Variants in MCF2L2 observed in about 807,000 individuals in gnomAD.
The protein encoded by MCF2L2 is probable guanine nucleotide exchange factor MCF2L2.
Under a neutral mutation model 150.2 loss-of-function variants are expected in MCF2L2, and 102 were observed. The observed-to-expected ratio is 0.68, with a 90% CI of 0.58 to 0.80. The LOEUF (loss-of-function observed/expected upper bound fraction) is 0.80, where lower values mean the gene tolerates loss of function less well. Ranked by LOEUF, MCF2L2 falls within the 30% of genes least tolerant of loss-of-function variation. The pLI is 0.00. For synonymous variants in MCF2L2, 465 were observed against 491.3 expected, an observed-to-expected ratio of 0.95 and a Z score of 0.71; for missense variants, 1,256 against 1,372.8, an observed-to-expected ratio of 0.91 and a Z score of 1.34.
chr3:183,186,821 G>A (rs934049466), intron 27 of MCF2L2, among the ~76,000 whole-genome samples: 11 of 151,564 alleles, frequency 7.3e-5, no homozygotes, highest in Admixed American at 1.3e-4. Flanking sequence ...GCTTCCCAAA[G>A]TGTTGGGATT....
intron 7 of MCF2L2, among the ~76,000 whole-genome samples, chr3:183,314,728 G>C (rs1413059055): frequency 6.6e-6 from 1 of 150,598 alleles, no homozygotes; most frequent in African/African-American, 2.4e-5. Context: ...ACTGAAGAAT[G>C]AATCTTATAA....
At chr3:183,357,794 T>C (rs753625094) in intron 3 of MCF2L2, among the ~76,000 whole-genome samples, 1 of 151,518 alleles carries the variant, frequency 6.6e-6, no homozygotes, top group African/African-American at 2.4e-5. Context: ...TAATACTCAC[T>C]GTGGTTTTCC....
intron 3 of MCF2L2, among the ~76,000 whole-genome samples, chr3:183,367,247 T>A (rs1314960207): frequency 1.3e-5 from 2 of 150,242 alleles, no homozygotes; most frequent in Non-Finnish European, 3.0e-5. Flanking sequence ...TTTTTTGAGA[T>A]GGAGTTTCTT....
intron 3 of MCF2L2, among the ~76,000 whole-genome samples, chr3:183,348,520 C>A (rs1730988415): frequency 6.6e-6 from 1 of 151,986 alleles, no homozygotes; most frequent in Non-Finnish European, 1.5e-5. Context: ...ACCTATGGAA[C>A]AAACCCGCTC....
chr3:183,252,470 A>T (rs1048249352), intron 15 of MCF2L2, among the ~76,000 whole-genome samples: 7 of 152,080 alleles, frequency 4.6e-5, no homozygotes, highest in Non-Finnish European at 1.0e-4. Context: ...CAATTTAAAA[A>T]CTTCCTAAAA....
intron 15 of MCF2L2, among the ~76,000 whole-genome samples, chr3:183,247,420 T>C (rs1724307827): frequency 6.6e-6 from 1 of 152,158 alleles, no homozygotes; most frequent in Admixed American, 6.6e-5. Flanking sequence ...CAATCAAATA[T>C]AACAAGACAT....
chr3:183,322,403 A>G (rs892757791), intron 6 of MCF2L2, among the ~76,000 whole-genome samples: 7 of 152,164 alleles, frequency 4.6e-5, no homozygotes, highest in African/African-American at 1.7e-4. Context: ...GAGCATTGTA[A>G]GGTGTTCAGC....
intron 15 of MCF2L2, among the ~76,000 whole-genome samples, chr3:183,257,957 C>CTTTTTTTT (rs1725201496): frequency 9.9e-6 from 1 of 101,350 alleles, no homozygotes; most frequent in Non-Finnish European, 1.8e-5. Flanking sequence ...TCCACTTCAC[C>CTTTTTTTT]CTTTTTTTTT....
chr3:183,378,274 A>T (rs1329466365), intron 3 of MCF2L2: 3 of 152,382 alleles, frequency 2.0e-5, no homozygotes, highest in African/African-American at 7.2e-5. Flanking sequence ...ATGCAAACCC[A>T]TGGAGGGAAG....
chr3:183,405,228 A>G (rs1193164531), intron 1 of MCF2L2, among the ~76,000 whole-genome samples: 1 of 152,242 alleles, frequency 6.6e-6, no homozygotes, highest in Non-Finnish European at 1.5e-5. Context: ...ACTGATTATT[A>G]TTAGAAAATG....
At chr3:183,213,133 T>TTATA (rs1722797585) in intron 22 of MCF2L2, among the ~76,000 whole-genome samples, 1 of 152,108 alleles carries the variant, frequency 6.6e-6, no homozygotes, top group African/African-American at 2.4e-5. Context: ...CTTTAGTGGT[T>TTATA]TATATAAATT....
intron 22 of MCF2L2, among the ~76,000 whole-genome samples, chr3:183,209,859 A>G (rs1443017362): frequency 6.6e-6 from 1 of 152,190 alleles, no homozygotes; most frequent in African/African-American, 2.4e-5. Context: ...CATGAAACAT[A>G]AATGAATTTC....
At chr3:183,350,310 T>C in intron 3 of MCF2L2, among the ~76,000 whole-genome samples, 1 of 151,870 alleles carries the variant, frequency 6.6e-6, no homozygotes, top group Admixed American at 6.6e-5. Context: ...GGTGGGATTT[T>C]TTTTTTTCAC....
chr3:183,334,470 C>T (rs1730388625), intron 5 of MCF2L2, among the ~76,000 whole-genome samples: 2 of 151,978 alleles, frequency 1.3e-5, no homozygotes, highest in South Asian at 2.1e-4. Context: ...CCAAGAAGGA[C>T]ATGTATCACT....
chr3:183,394,336 T>A (rs558384253), intron 1 of MCF2L2, among the ~76,000 whole-genome samples: 19 of 152,330 alleles, frequency 1.2e-4, no homozygotes, highest in African/African-American at 4.6e-4. Flanking sequence ...GATTAACTGG[T>A]TGAATCAGTT....
intron 15 of MCF2L2, among the ~76,000 whole-genome samples, chr3:183,261,974 A>G (rs909775189): frequency 2.1e-5 from 3 of 145,788 alleles, no homozygotes; most frequent in Non-Finnish European, 4.5e-5. Context: ...AAAAAAAAAA[A>G]AAAGAATAGA....
rs761759018 is a variant in MCF2L2 at position 183,179,470 on chromosome 3, C to T, written c.3255G>A (p.Gly1085=). 4.7e-5 allele frequency: 75 copies of T among 1,602,330 alleles called. No individual in the cohort carries two copies. The African/African-American group carries it at 9.5e-4, about 20-fold the overall frequency. ...CAGGAGCCAGCCGGCCCGTGGACGC[C>T]CCAGCGCGCTCCTCCTCGGTGCTGC... ...ATRSTEEERA[G]ASTGRLAPAG... is the part of the protein sequence containing the mutation. The change falls in exon 30 of 30, where the codon GGG becomes GGA. Residue 1085 remains glycine (G), a synonymous_variant. Transcript: ENST00000328913. The surrounding 1 kb of genome is among the most constrained non-coding windows in gnomAD (Gnocchi z 4.2).
At chr3:183,316,763 TGGCGAGATCTC>T (rs1428037497) in intron 7 of MCF2L2, among the ~76,000 whole-genome samples, 6 of 152,110 alleles carry the variant, frequency 3.9e-5, no homozygotes, top group African/African-American at 1.4e-4. Context: ...CAGAGTGCAG[TGGCGAGATCTC>T]GGCTCACTGC....
At chr3:183,301,183 T>G (rs1021246854) in intron 10 of MCF2L2, among the ~76,000 whole-genome samples, 1 of 152,136 alleles carries the variant, frequency 6.6e-6, no homozygotes, top group African/African-American at 2.4e-5. Flanking sequence ...GTTTAAGCAT[T>G]CCTTCATTCA....
Sources: allele counts gnomAD v4.1 joint callset (sites outside exome capture counted in the v4.1 genomes callset), GRCh38; gene constraint gnomAD v4.1.1; non-coding constraint Gnocchi (gnomAD v3.1); transcripts MANE v1.5; gene names NCBI Gene and HGNC (gene_info 2026-07-23, HGNC 2026-07-21).